Variants in SYT9 observed in about 807,000 individuals in gnomAD.
SYT9 encodes the protein synaptotagmin 9.
In SYT9, 22 loss-of-function variants were observed where a neutral mutation model predicts 48.4. The observed-to-expected ratio is 0.45, with a 90% CI of 0.32 to 0.65. The LOEUF is 0.65. SYT9 is among the 30% of genes least tolerant of loss of function. SYT9 has a pLI of 0.03. For synonymous variants in SYT9, 265 were observed against 245.0 expected (o/e 1.08, Z -0.76); for missense variants, 577 against 622.0 (o/e 0.93, Z 0.77).
At chr11:7,365,123 G>C (rs897571590) in intron 3 of SYT9, among the ~76,000 whole-genome samples, 4 of 151,956 alleles carry the variant, frequency 2.6e-5, no homozygotes, top group Non-Finnish European at 2.9e-5. Flanking sequence ...TGACTGCAAG[G>C]CTTATGAAAT....
chr11:7,412,031 C>T (rs758447333), intron 3 of SYT9, among the ~76,000 whole-genome samples: 7 of 152,046 alleles, frequency 4.6e-5, no homozygotes, highest in African/African-American at 1.4e-4. Flanking sequence ...ATGAATTCTT[C>T]AGTTCCGGAA....
At chr11:7,374,101 GTGA>G (rs1452334252) in intron 3 of SYT9, among the ~76,000 whole-genome samples, 19 of 152,120 alleles carry the variant, frequency 1.2e-4, no homozygotes, top group African/African-American at 3.6e-4. Context: ...GCCCTGGTGT[GTGA>G]TGTTCCCCTC....
rs184853052 is a variant in SYT9 at position 7,315,072 on chromosome 11, C to T, written c.1044+1131C>T. Among the ~76,000 whole-genome samples, 103 of 152,312 alleles carry T rather than the reference C, an allele frequency of 6.8e-4. 1 individual carries two copies. The highest frequency in any genetic ancestry group is 2.3e-3 in the African/African-American group (95 of 41,572). On this transcript the variant is annotated intron_variant, in intron 3 of 6. Coordinates refer to ENST00000318881, the MANE Select transcript of SYT9 (RefSeq NM_175733.4). ...ACAGGGTTCCAGTGCCAACTTTGTG[C>T]TGCTATCCAAATAAACAAAATGTAG...
At chr11:7,398,562 A>G (rs1440136837) in intron 3 of SYT9, among the ~76,000 whole-genome samples, 1 of 152,016 alleles carries the variant, frequency 6.6e-6, no homozygotes, top group Non-Finnish European at 1.5e-5. Flanking sequence ...GGCACCTGCC[A>G]CCACGCCCAG....
chr11:7,341,092 T>TTAC (rs1396883540), intron 3 of SYT9, among the ~76,000 whole-genome samples: 1 of 152,200 alleles, frequency 6.6e-6, no homozygotes, highest in Non-Finnish European at 1.5e-5. Context: ...GCAGAGGTGC[T>TTAC]TGTAGACCTT....
intron 1 of SYT9, among the ~76,000 whole-genome samples, chr11:7,272,662 A>G (rs940376245): frequency 2.6e-5 from 4 of 152,224 alleles, no homozygotes; most frequent in African/African-American, 7.2e-5. Flanking sequence ...ACAGACAAGT[A>G]AACAGGCAAT....
At chr11:7,466,463 C>T (rs1017942174) in intron 6 of SYT9, among the ~76,000 whole-genome samples, 2 of 152,144 alleles carry the variant, frequency 1.3e-5, no homozygotes, top group Admixed American at 6.6e-5. Context: ...TGACTCACGC[C>T]TGTAATCCCA....
intron 3 of SYT9, among the ~76,000 whole-genome samples, chr11:7,365,216 T>C (rs904754367): frequency 6.6e-6 from 1 of 151,930 alleles, no homozygotes; most frequent in African/African-American, 2.4e-5. Context: ...TAAGAAATCC[T>C]CAAGATGGGG....
intron 3 of SYT9, among the ~76,000 whole-genome samples, chr11:7,409,690 G>T (rs553720201): frequency 1.3e-5 from 2 of 152,072 alleles, no homozygotes; most frequent in South Asian, 4.1e-4. Flanking sequence ...ATGATCTTTT[G>T]TATTTCTGTG....
chr11:7,372,561 ATC>A (rs1850381667), intron 3 of SYT9, among the ~76,000 whole-genome samples: 1 of 152,094 alleles, frequency 6.6e-6, no homozygotes, highest in Admixed American at 6.6e-5. Flanking sequence ...AGAGGGGGGA[ATC>A]TCTCTATGTT....
At chr11:7,355,134 C>T (rs996192277) in intron 3 of SYT9, among the ~76,000 whole-genome samples, 13 of 152,218 alleles carry the variant, frequency 8.5e-5, no homozygotes, top group African/African-American at 3.1e-4. Flanking sequence ...CACACTTCTA[C>T]ACCTGACTCC....
At chr11:7,244,853 C>T (rs1397813710) in intron 1 of SYT9, among the ~76,000 whole-genome samples, 3 of 152,138 alleles carry the variant, frequency 2.0e-5, no homozygotes, top group Non-Finnish European at 4.4e-5. Flanking sequence ...GGATTTCATC[C>T]ATGGCATGTT....
chr11:7,346,486 T>C (rs913171720), intron 3 of SYT9, among the ~76,000 whole-genome samples: 1 of 152,222 alleles, frequency 6.6e-6, no homozygotes, highest in Non-Finnish European at 1.5e-5. Flanking sequence ...AATACATTTA[T>C]GAATCCAAAG....
At position 7,244,814 on chromosome 11, in the gene SYT9, T is replaced by G. The variant is rs142844430; in HGVS notation, c.49+5898T>G. ...GCTCACAGGAACAGGGGTAAGGATGTGGTCTAAGAGCAGCATGAAAGATTT... is the reference window on the plus strand; with the variant it reads ...GCTCACAGGAACAGGGGTAAGGATGGGGTCTAAGAGCAGCATGAAAGATTT... On this transcript the variant is annotated intron_variant and NMD_transcript_variant, in intron 1 of 8. Coordinates refer to the SYT9 transcript ENST00000524820. Among the ~76,000 whole-genome samples the G allele has an allele frequency of 1.7e-4, 26 of 152,314 alleles. No homozygotes were observed. The East Asian group carries it at 4.6e-3, about 27-fold the overall frequency.
intron 6 of SYT9, among the ~76,000 whole-genome samples, chr11:7,454,905 C>T (rs1848120012): frequency 6.6e-6 from 1 of 152,160 alleles, no homozygotes; most frequent in African/African-American, 2.4e-5. Context: ...CACACAAAGG[C>T]CCAATGCTAA....
rs117817669 is a variant in SYT9, at chr11:7,393,250, C to T, written c.1045-22792C>T. Among the ~76,000 whole-genome samples the T allele has an allele frequency of 4.3e-3, 628 of 145,970 alleles. 5 individuals carry two copies. The highest frequency in any genetic ancestry group is 0.021 in the East Asian group (103 of 5,016). ...GGCTGTGGATTTGTCATAGATGGCT[C>T]TTTCTATTTTGAGGTATGTTCCTTC... On this transcript the variant is annotated intron_variant, in intron 3 of 6. Transcript: ENST00000318881.
chr11:7,361,136 T>C (rs1385352741), intron 3 of SYT9, among the ~76,000 whole-genome samples: 1 of 145,488 alleles, frequency 6.9e-6, no homozygotes, highest in Non-Finnish European at 1.5e-5. Context: ...GGTATTATAT[T>C]TTTTCTTTAT....
At chr11:7,367,814 C>A (rs187303396) in intron 3 of SYT9, among the ~76,000 whole-genome samples, 1 of 152,158 alleles carries the variant, frequency 6.6e-6, no homozygotes, top group Non-Finnish European at 1.5e-5. Flanking sequence ...AACCCACACC[C>A]TCATTCCTGA....
At chr11:7,257,625 A>G (rs1847998364) in intron 1 of SYT9, among the ~76,000 whole-genome samples, 1 of 152,156 alleles carries the variant, frequency 6.6e-6, no homozygotes, top group Admixed American at 6.5e-5. Flanking sequence ...CAGTCTTGAA[A>G]CACTGGATGT....
Sources: gnomAD v4.1 joint callset for allele counts (sites outside exome capture counted in the v4.1 genomes callset) on GRCh38, gnomAD v4.1.1 for gene constraint, MANE v1.5 for transcripts, NCBI Gene and HGNC (gene_info 2026-07-23, HGNC 2026-07-21) for gene names.